DIP2C: variants seen among roughly 807,000 people sequenced by gnomAD.
DIP2C encodes disco-interacting protein 2 homolog C.
A neutral mutation model predicts 192.4 loss-of-function variants in DIP2C; 33 were observed. The observed-to-expected ratio is 0.17, with a 90% CI of 0.13 to 0.23. The LOEUF (loss-of-function observed/expected upper bound fraction) is 0.23. DIP2C is among the 10% of genes least tolerant of loss of function. The pLI, the probability that DIP2C is intolerant of heterozygous loss-of-function variation, is 1.00. For missense variants in DIP2C, 1,537 were observed against 2,110.1 expected, an observed-to-expected ratio of 0.73 and a Z score of 5.32; for synonymous variants, 979 against 864.1, an observed-to-expected ratio of 1.13 and a Z score of -2.33.
chr10:372,117 C>A (rs2132806746), intron 17 of DIP2C, among the ~76,000 whole-genome samples: 1 of 151,162 alleles, frequency 6.6e-6, no homozygotes, highest in Non-Finnish European at 1.5e-5. Flanking sequence ...ACTCTGTCAC[C>A]CAGGCTGCAG....
intron 28 of DIP2C, among the ~76,000 whole-genome samples, chr10:341,666 T>A (rs1958155402): frequency 6.6e-6 from 1 of 152,228 alleles, no homozygotes; most frequent in African/African-American, 2.4e-5. Context: ...TAAAGCCGCA[T>A]TAAATGCGTG....
At chr10:416,525 G>C (rs1025141124) in intron 6 of DIP2C, among the ~76,000 whole-genome samples, 6 of 152,100 alleles carry the variant, frequency 3.9e-5, no homozygotes, top group African/African-American at 1.4e-4. Flanking sequence ...GCATCCTAAA[G>C]CACAGAAGTT....
chr10:369,403 C>A (rs551875251), intron 18 of DIP2C, 91 bp downstream of exon 18: 2 of 1,445,026 alleles, frequency 1.4e-6, no homozygotes, highest in Non-Finnish European at 1.8e-6. Flanking sequence ...ACCACGGGAA[C>A]GCGGGAACGT....
At chr10:513,742 C>T (rs1460784464) in intron 1 of DIP2C, among the ~76,000 whole-genome samples, 1 of 152,054 alleles carries the variant, frequency 6.6e-6, no homozygotes, top group Non-Finnish European at 1.5e-5. Flanking sequence ...CAAAAACTCA[C>T]GTTAGCTCAC....
intron 1 of DIP2C, among the ~76,000 whole-genome samples, chr10:610,112 T>C (rs1415851398): frequency 6.6e-6 from 1 of 152,194 alleles, no homozygotes; most frequent in African/African-American, 2.4e-5. Context: ...GAATGTGGCC[T>C]GAGCATACAC....
At chr10:534,909 C>G (rs913051499) in intron 1 of DIP2C, among the ~76,000 whole-genome samples, 4 of 151,878 alleles carry the variant, frequency 2.6e-5, no homozygotes, top group Admixed American at 6.6e-5. Flanking sequence ...ATCTCCTGAC[C>G]TCATGATCCA....
At chr10:422,325 G>A (rs901515158) in intron 5 of DIP2C, among the ~76,000 whole-genome samples, 2 of 152,102 alleles carry the variant, frequency 1.3e-5, no homozygotes, top group South Asian at 2.1e-4. Flanking sequence ...ATGTTCAAAC[G>A]TCATAGGGCA....
intron 29 of DIP2C, among the ~76,000 whole-genome samples, chr10:338,058 C>T (rs1203513345): frequency 1.3e-5 from 2 of 152,088 alleles, no homozygotes; most frequent in Non-Finnish European, 2.9e-5. Flanking sequence ...TAGTTTTTAA[C>T]AAAAGCTTCA....
chr10:484,788 A>C lies in DIP2C; in HGVS notation c.157+1671T>G, dbSNP rs774212873. On this transcript the variant is annotated intron_variant, in intron 2 of 36. Coordinates refer to ENST00000280886, the MANE Select transcript of DIP2C (RefSeq NM_014974.3). ...CAGCAAAGCAGCGCTCACCGAAACG[A>C]AAGTAAAACAGAGGCCGGTTCCCTG... 8.1e-6 allele frequency: 13 copies of C among 1,610,884 alleles called. No homozygotes were observed. The East Asian group carries it at 2.7e-4, about 33-fold the overall frequency.
intron 17 of DIP2C, among the ~76,000 whole-genome samples, chr10:378,508 G>C (rs1564635506): frequency 2.0e-5 from 3 of 151,268 alleles, no homozygotes; most frequent in African/African-American, 7.3e-5. Flanking sequence ...CATGCATAAA[G>C]ACACGTGAAC....
At chr10:378,758 C>A (rs981458049) in intron 17 of DIP2C, among the ~76,000 whole-genome samples, 14 of 151,740 alleles carry the variant, frequency 9.2e-5, no homozygotes, top group African/African-American at 3.4e-4. Flanking sequence ...TGAACACATG[C>A]CTAGACACGT....
chr10:482,212 TC>T (rs1843664138), intron 2 of DIP2C, among the ~76,000 whole-genome samples: 1 of 152,120 alleles, frequency 6.6e-6, no homozygotes, highest in Admixed American at 6.5e-5. Context: ...GGCGTGGCCA[TC>T]GGGAGCCCTG....
chr10:279,758 G>A (rs532614147), intron 36 of DIP2C, among the ~76,000 whole-genome samples: 63 of 152,310 alleles, frequency 4.1e-4, no homozygotes, highest in Non-Finnish European at 7.1e-4. Context: ...AGGGGCATGT[G>A]AGCCCCTGAC....
rs746085072 is a variant in DIP2C at position 409,036 on chromosome 10, G to C, written c.1058-19C>G. 2 of 1,612,680 alleles carry C rather than the reference G, an allele frequency of 1.2e-6. No individual in the cohort carries two copies. The highest frequency in any genetic ancestry group is 1.1e-5 in the South Asian group (1 of 91,026). On this transcript the variant is annotated intron_variant, in intron 8 of 36. Transcript: ENST00000280886. ...AGCTTGCCTATGAATACAAATCACA[G>C]ACAAATGTGCGTATTAAACCATACG...
chr10:450,964 G>A (rs902830311), intron 3 of DIP2C, among the ~76,000 whole-genome samples: 4 of 151,960 alleles, frequency 2.6e-5, no homozygotes, highest in African/African-American at 7.3e-5. Context: ...CATATGTGTG[G>A]GTATAAAATA....
At chr10:624,173 G>A (rs1031722114) in intron 1 of DIP2C, among the ~76,000 whole-genome samples, 2 of 152,210 alleles carry the variant, frequency 1.3e-5, no homozygotes, top group Non-Finnish European at 2.9e-5. Context: ...CATGGATGGA[G>A]GGATCTGTTA....
intron 17 of DIP2C, chr10:369,929 C>G (rs1458019233): frequency 3.9e-6 from 5 of 1,281,860 alleles, no homozygotes; most frequent in Non-Finnish European, 4.0e-6. Flanking sequence ...CAGACCAGCT[C>G]TCTCTCCCCT....
At chr10:277,933 G>A (rs1291794143) in intron 36 of DIP2C, among the ~76,000 whole-genome samples, 1 of 152,236 alleles carries the variant, frequency 6.6e-6, no homozygotes, top group Non-Finnish European at 1.5e-5. Context: ...TCACTGAACA[G>A]TGCAGTGTGC....
At chr10:449,294 T>C (rs1322048770) in intron 3 of DIP2C, among the ~76,000 whole-genome samples, 1 of 152,198 alleles carries the variant, frequency 6.6e-6, no homozygotes, top group East Asian at 1.9e-4. Context: ...AGTCGACTTC[T>C]CCACCTCCCC....
Sources: gnomAD v4.1 joint callset for allele counts (sites outside exome capture counted in the v4.1 genomes callset) on GRCh38, gnomAD v4.1.1 for gene constraint, MANE v1.5 for transcripts, NCBI Gene and HGNC (gene_info 2026-07-23, HGNC 2026-07-21) for gene names.